Variants in C5orf24 observed in about 807,000 individuals in gnomAD.
C5orf24 encodes UPF0461 protein C5orf24.
Under a neutral mutation model 9.8 loss-of-function variants are expected in C5orf24, and 4 were observed. That is an observed-to-expected ratio of 0.41 (90% confidence interval 0.20 to 0.93). The LOEUF (loss-of-function observed/expected upper bound fraction) is 0.93, where lower values mean the gene tolerates loss of function less well. C5orf24 is among the 40% of genes least tolerant of loss of function. The probability of loss-of-function intolerance (pLI) is 0.33; values close to 1 mark genes in which losing one functional copy is unlikely to be tolerated. For missense variants in C5orf24, 170 were observed against 236.9 expected (o/e 0.72, Z 1.85); for synonymous variants, 73 against 81.3 (o/e 0.90, Z 0.55).
chr5:134,840,083 C>T, the C5orf24 span, among the ~76,000 whole-genome samples: 1 of 151,916 alleles, frequency 6.6e-6, no homozygotes. Flanking sequence ...CCAAGGTGGG[C>T]GGATCATGAG....
intron 1 of C5orf24, among the ~76,000 whole-genome samples, chr5:134,848,601 C>T (rs1419581794): frequency 7.9e-6 from 1 of 126,898 alleles, no homozygotes; most frequent in Non-Finnish European, 1.6e-5. Flanking sequence ...GTGGAGGTTG[C>T]GGTAAGCCAA....
chr5:134,853,968 T>C (rs1216928547), intron 1 of C5orf24, among the ~76,000 whole-genome samples: 1 of 152,130 alleles, frequency 6.6e-6, no homozygotes, highest in East Asian at 1.9e-4. Context: ...TAGTCCCAGC[T>C]ATTCAGGAGG....
chr5:134,850,955 C>T (rs1030079111), intron 1 of C5orf24, among the ~76,000 whole-genome samples: 2 of 147,148 alleles, frequency 1.4e-5, no homozygotes, highest in Non-Finnish European at 3.0e-5. Flanking sequence ...CACACACACA[C>T]TACACACACA....
chr5:134,835,206 A>T, the C5orf24 span, among the ~76,000 whole-genome samples: 1 of 152,126 alleles, frequency 6.6e-6, no homozygotes, highest in Non-Finnish European at 1.5e-5. Context: ...ACTGTCTTAA[A>T]AAAAAGTATA....
chr5:134,857,056 G>A lies in C5orf24; in HGVS notation c.*1589G>A. ...GGTAGATATGTATAGTAGGGACAGA[G>A]GGAAATCTTTCTTCTTTCCTTTCTG... is the stretch of plus-strand genomic sequence containing the variant. On this transcript the variant is annotated 3_prime_UTR_variant, in exon 2 of 2. Transcript: ENST00000394976. 3 of 1,113,266 alleles carry A rather than the reference G, an allele frequency of 2.7e-6. No individual in the cohort carries two copies. The highest frequency in any genetic ancestry group is 2.2e-6 in the Non-Finnish European group (2 of 899,336). 69.0% of individuals were successfully genotyped at this position (1,113,266 alleles called of 1,614,324 possible). A position where few individuals can be genotyped will look rare whatever the true frequency, so the allele number is the denominator to read the frequency against.
At position 134,859,505 on chromosome 5, in the gene C5orf24, A is replaced by G. The variant is rs557631068; in HGVS notation, c.*4038A>G. On this transcript the variant is annotated 3_prime_UTR_variant, in exon 2 of 2. Coordinates refer to ENST00000394976, the MANE Select transcript of C5orf24 (RefSeq NM_001135586.1). ...ACTTTGATTCTTTTAAGTTTTCAGA[A>G]TTTCTTTTTTCCACAGGTAATTTTG... is the stretch of plus-strand genomic sequence containing the variant. 2 of 167,150 alleles carry G rather than the reference A, an allele frequency of 1.2e-5. No homozygotes were observed. The highest frequency in any genetic ancestry group is 2.1e-4 in the South Asian group (1 of 4,830). 10.4% of individuals were successfully genotyped at this position (167,150 alleles called of 1,614,324 possible).
intron 1 of C5orf24, among the ~76,000 whole-genome samples, chr5:134,849,506 G>C (rs924752049): frequency 2.6e-5 from 4 of 151,930 alleles, no homozygotes; most frequent in African/African-American, 9.7e-5. Context: ...AATTATTTAC[G>C]AGTAATTCTC....
upstream of C5orf24, among the ~76,000 whole-genome samples, chr5:134,843,506 T>C (rs1184037832): frequency 6.6e-6 from 1 of 152,168 alleles, no homozygotes. Flanking sequence ...TGGCTCACTG[T>C]AATCCCTGCC....
At chr5:134,850,666 G>A (rs563109749) in intron 1 of C5orf24, among the ~76,000 whole-genome samples, 3 of 151,612 alleles carry the variant, frequency 2.0e-5, no homozygotes, top group Non-Finnish European at 2.9e-5. Context: ...TAGTAGAGAC[G>A]GGGTTTTACC....
At position 134,846,140 on chromosome 5, in the gene C5orf24, G is replaced by T. The variant is rs1755986426; in HGVS notation, c.-76G>T. The T allele has an allele frequency of 6.6e-6, 1 of 151,890 alleles. No homozygotes were observed. The highest frequency in any genetic ancestry group is 2.4e-5 in the African/African-American group (1 of 41,298). 9.4% of individuals were successfully genotyped at this position (151,890 alleles called of 1,614,324 possible). A position where few individuals can be genotyped will look rare whatever the true frequency, so the allele number is the denominator to read the frequency against. On this transcript the variant is annotated 5_prime_UTR_variant, in exon 1 of 2. Transcript: ENST00000394976. ...AGAGGCGGCGGGCTGGGGAGGGAGC[G>T]GCGCCAGCACGAGGTTCCCAGCCGC...
rs1756387000 is a variant in C5orf24, at chr5:134,859,197, T to A, written c.*3730T>A. The A allele has an allele frequency of 6.0e-6, 1 of 167,070 alleles. No individual in the cohort carries two copies. Among genetic ancestry groups the A allele is most frequent in the Non-Finnish European group, 1.5e-5 (1 of 68,098 alleles). 10.3% of individuals were successfully genotyped at this position (167,070 alleles called of 1,614,324 possible). A position where few individuals can be genotyped will look rare whatever the true frequency, so the allele number is the denominator to read the frequency against. On this transcript the variant is annotated 3_prime_UTR_variant, in exon 2 of 2. Coordinates refer to ENST00000394976, the MANE Select transcript of C5orf24 (RefSeq NM_001135586.1). ...GCTACTCTGTCGGTCATTGTCTCTA[T>A]ATGCAGTAAAATTTTATGGTCCCTT...
intron 1 of C5orf24, among the ~76,000 whole-genome samples, chr5:134,854,138 ATAAGTCT>A (rs1756244923): frequency 6.6e-6 from 1 of 152,242 alleles, no homozygotes; most frequent in South Asian, 2.1e-4. Context: ...TTTTTGTAGT[ATAAGTCT>A]TAAGCATTTG....
the C5orf24 span, among the ~76,000 whole-genome samples, chr5:134,837,948 GTATC>G: frequency 2.6e-5 from 4 of 152,118 alleles, no homozygotes; most frequent in East Asian, 3.8e-4. Context: ...GTATATGAAA[GTATC>G]TAAGAACACT....
intron 1 of C5orf24, among the ~76,000 whole-genome samples, chr5:134,847,992 C>T (rs547472111): frequency 1.3e-3 from 199 of 152,300 alleles, no homozygotes; most frequent in Middle Eastern, 6.8e-3. Context: ...CCTGAGCCAC[C>T]GCGCCGGACC....
the C5orf24 span, among the ~76,000 whole-genome samples, chr5:134,838,047 G>A: frequency 6.6e-6 from 1 of 152,060 alleles, no homozygotes; most frequent in South Asian, 2.1e-4. Context: ...AGGAGTTCAA[G>A]ACCAGTCTGA....
intron 1 of C5orf24, among the ~76,000 whole-genome samples, chr5:134,847,539 C>T (rs1457500670): frequency 1.3e-5 from 2 of 152,150 alleles, no homozygotes; most frequent in Non-Finnish European, 2.9e-5. Flanking sequence ...CGTGATCCAC[C>T]CTTCTCAACC....
chr5:134,856,993 T>G lies in C5orf24; in HGVS notation c.*1526T>G, dbSNP rs1270861732. On this transcript the variant is annotated 3_prime_UTR_variant, in exon 2 of 2. Transcript: ENST00000394976. ...AAGATTTTTTTTCCCCCAATGATGTTTGCTTTAGAAGCAAGATAGAAAGGA... is the reference window on the plus strand; with the variant it reads ...AAGATTTTTTTTCCCCCAATGATGTGTGCTTTAGAAGCAAGATAGAAAGGA... 60 of 1,009,724 alleles carry G rather than the reference T, an allele frequency of 5.9e-5. No homozygotes were observed. Among genetic ancestry groups the G allele is most frequent in the Non-Finnish European group, 7.2e-5 (60 of 836,518 alleles). The allele number at this position is 1,009,724 out of a possible 1,614,324, so 62.5% of individuals were successfully genotyped here.
chr5:134,843,102 G>A (rs1755923374), upstream of C5orf24, among the ~76,000 whole-genome samples: 2 of 151,438 alleles, frequency 1.3e-5, no homozygotes, highest in Admixed American at 1.3e-4. Context: ...TTAGCCTCCC[G>A]AGTAGCTGGG....
chr5:134,855,663 A>G lies in C5orf24; in HGVS notation c.*196A>G. On this transcript the variant is annotated 3_prime_UTR_variant, in exon 2 of 2. Transcript: ENST00000394976. Reference sequence around the variant, plus strand: ...CTCAGGGCATGAGCAGCGGCATTGTATTTGTACATAGGTTCAAGTGTAACA... The same window carrying G: ...CTCAGGGCATGAGCAGCGGCATTGTGTTTGTACATAGGTTCAAGTGTAACA... 1 of 1,450,616 alleles carries G rather than the reference A, an allele frequency of 6.9e-7. No individual in the cohort carries two copies. The highest frequency in any genetic ancestry group is 9.1e-7 in the Non-Finnish European group (1 of 1,104,698). 89.9% of individuals were successfully genotyped at this position (1,450,616 alleles called of 1,614,324 possible).
Sources: gnomAD v4.1 joint callset for allele counts (sites outside exome capture counted in the v4.1 genomes callset) on GRCh38, gnomAD v4.1.1 for gene constraint, MANE v1.5 for transcripts, NCBI Gene and HGNC (gene_info 2026-07-23, HGNC 2026-07-21) for gene names.